Variants in PLEKHG1 observed in about 807,000 individuals in gnomAD.
PLEKHG1 encodes pleckstrin homology domain-containing family G member 1.
In PLEKHG1, 44 loss-of-function variants were observed where a neutral mutation model predicts 100.8. The observed-to-expected ratio is 0.44, with a 90% confidence interval of 0.34 to 0.56. The LOEUF is 0.56. Ranked by LOEUF, PLEKHG1 falls within the 20% of genes least tolerant of loss-of-function variation. PLEKHG1 has a pLI of 0.01. For missense variants in PLEKHG1, 1,545 were observed against 1,720.9 expected (o/e 0.90, Z 1.81); for synonymous variants, 640 against 662.5 (o/e 0.97, Z 0.52).
At chr6:150,815,472 AT>A (rs1342859138) in intron 10 of PLEKHG1, among the ~76,000 whole-genome samples, 1 of 152,248 alleles carries the variant, frequency 6.6e-6, no homozygotes, top group Non-Finnish European at 1.5e-5. Context: ...TCTTCTCCAA[AT>A]TAATTGAAAA....
rs1235722850 is a variant in PLEKHG1 at position 150,657,441 on chromosome 6, TGTTG to T, written c.-99+6663_-99+6666del. On this transcript the variant is annotated intron_variant, in intron 3 of 3. Coordinates refer to the PLEKHG1 transcript ENST00000367326. The stretch of plus-strand genomic sequence containing the variant: ...GTCTTTGAAAATACTGCTTATTTTC[TGTTG>T]GTTGGTTACAATTATTAATTAAGTC... Among the ~76,000 whole-genome samples the T allele has an allele frequency of 3.9e-5, 6 of 152,378 alleles. No homozygotes were observed. In the East Asian group the frequency reaches 9.6e-4, roughly 24 times the overall value.
intron 3 of PLEKHG1, among the ~76,000 whole-genome samples, chr6:150,778,374 C>T (rs758107166): frequency 2.0e-5 from 3 of 152,106 alleles, no homozygotes; most frequent in African/African-American, 7.2e-5. Context: ...GTGATCCGCC[C>T]GCCTCAGCCT....
intron 3 of PLEKHG1, among the ~76,000 whole-genome samples, chr6:150,675,441 C>T (rs1471802401): frequency 6.6e-6 from 1 of 152,248 alleles, no homozygotes; most frequent in Non-Finnish European, 1.5e-5. Context: ...CTTTTTCTCT[C>T]ACGCTTTCTG....
chr6:150,726,898 A>G (rs1781988408), intron 1 of PLEKHG1, among the ~76,000 whole-genome samples: 1 of 152,224 alleles, frequency 6.6e-6, no homozygotes, highest in Non-Finnish European at 1.5e-5. Flanking sequence ...TGAAATATAT[A>G]AATGTATATT....
At chr6:150,783,169 TAA>T (rs71014520) in intron 3 of PLEKHG1, among the ~76,000 whole-genome samples, 45 of 79,398 alleles carry the variant, frequency 5.7e-4, no homozygotes, top group South Asian at 1.3e-3. Context: ...GAAAAAAAAC[TAA>T]AAAAAAAAAA....
chr6:150,740,128 G>A (rs1421435764), intron 2 of PLEKHG1, among the ~76,000 whole-genome samples: 6 of 152,218 alleles, frequency 3.9e-5, no homozygotes, highest in Non-Finnish European at 1.5e-5. Context: ...TACTCTGCCT[G>A]GACACTTAGC....
At chr6:150,823,269 A>G (rs1201820686) in intron 13 of PLEKHG1, among the ~76,000 whole-genome samples, 1 of 152,206 alleles carries the variant, frequency 6.6e-6, no homozygotes, top group Admixed American at 6.5e-5. Flanking sequence ...AGTTAAAACC[A>G]ATAAAATGTC....
chr6:150,786,939 A>G lies in PLEKHG1; in HGVS notation c.582+480A>G, dbSNP rs1037296073. The stretch of plus-strand genomic sequence containing the variant: ...GCTACTAGGGTGGCTGAGGCAGGAG[A>G]ATCACTTGAGCCCAGGAGGCGGAGG... On this transcript the variant is annotated intron_variant, in intron 4 of 15. Coordinates refer to ENST00000358517, the Ensembl canonical transcript of PLEKHG1. Among the ~76,000 whole-genome samples, 4 of 151,670 alleles carry G rather than the reference A, an allele frequency of 2.6e-5. No individual in the cohort carries two copies. In the South Asian group the frequency reaches 8.3e-4, roughly 32 times the overall value.
At chr6:150,601,096 G>T (rs955138287) in intron 1 of PLEKHG1, among the ~76,000 whole-genome samples, 14 of 152,172 alleles carry the variant, frequency 9.2e-5, no homozygotes, top group Non-Finnish European at 1.9e-4. Flanking sequence ...TAGACCGGGG[G>T]AAAGACTAGA....
chr6:150,742,391 C>A (rs1203242211), intron 2 of PLEKHG1, among the ~76,000 whole-genome samples: 1 of 152,014 alleles, frequency 6.6e-6, no homozygotes, highest in Non-Finnish European at 1.5e-5. Flanking sequence ...ATGGTGAAAC[C>A]CTGTCTCTAC....
At chr6:150,760,411 G>T (rs528839944) in intron 2 of PLEKHG1, among the ~76,000 whole-genome samples, 1 of 152,276 alleles carries the variant, frequency 6.6e-6, no homozygotes, top group East Asian at 1.9e-4. Flanking sequence ...AAAGTTGTAG[G>T]AAAGGAAGTC....
intron 3 of PLEKHG1, among the ~76,000 whole-genome samples, chr6:150,707,599 A>G (rs1781077328): frequency 6.6e-6 from 1 of 152,070 alleles, no homozygotes; most frequent in South Asian, 2.1e-4. Flanking sequence ...GGAGCATTAG[A>G]CTAGTGTTAA....
intron 7 of PLEKHG1, among the ~76,000 whole-genome samples, chr6:150,808,279 C>T (rs1035217934): frequency 6.6e-5 from 10 of 151,960 alleles, no homozygotes; most frequent in African/African-American, 2.4e-4. Context: ...ATTTCCTTTC[C>T]CTGAGTAAGT....
At chr6:150,821,025 T>C (rs1274738860) in intron 12 of PLEKHG1, among the ~76,000 whole-genome samples, 170 bp from the exon 14 acceptor site, 1 of 152,128 alleles carries the variant, frequency 6.6e-6, no homozygotes, top group Non-Finnish European at 1.5e-5. Context: ...TTTAGCAGAG[T>C]GAATGTCTTG....
intron 3 of PLEKHG1, among the ~76,000 whole-genome samples, chr6:150,780,209 C>T (rs1312018252): frequency 2.0e-5 from 3 of 149,198 alleles, no homozygotes; most frequent in African/African-American, 7.4e-5. Context: ...GATCTCAGCT[C>T]ACTGCAACCT....
intron 3 of PLEKHG1, among the ~76,000 whole-genome samples, chr6:150,674,283 A>C (rs1779667105): frequency 6.6e-6 from 1 of 150,864 alleles, no homozygotes; most frequent in African/African-American, 2.4e-5. Context: ...AAAAATGAAC[A>C]AGCGTTGAAA....
At chr6:150,830,784 A>T (rs534378718) in exon 15 of PLEKHG1, 1 of 1,614,108 alleles carries the variant, frequency 6.2e-7, no homozygotes, top group African/African-American at 1.3e-5. Flanking sequence ...GATGAAGATG[A>T]TTATCAGATG....
At chr6:150,648,560 A>G (rs527427764) in intron 2 of PLEKHG1, among the ~76,000 whole-genome samples, 3 of 152,210 alleles carry the variant, frequency 2.0e-5, no homozygotes, top group Admixed American at 1.3e-4. Flanking sequence ...TTATTTATGG[A>G]GATGTGTTGT....
chr6:150,655,021 A>G (rs1022069015), intron 3 of PLEKHG1, among the ~76,000 whole-genome samples: 9 of 152,246 alleles, frequency 5.9e-5, no homozygotes, highest in Admixed American at 6.5e-5. Flanking sequence ...AAAAATATGT[A>G]AAGTTTAAAA....
Sources: gnomAD v4.1 joint callset for allele counts (sites outside exome capture counted in the v4.1 genomes callset) on GRCh38, gnomAD v4.1.1 for gene constraint, MANE v1.5 for transcripts, NCBI Gene and HGNC (gene_info 2026-07-23, HGNC 2026-07-21) for gene names.